Variants in VPS52 observed in about 807,000 individuals in gnomAD.
VPS52 encodes the protein vacuolar protein sorting-associated protein 52 homolog.
VPS52 carries 56 observed loss-of-function variants against 98.7 expected under a neutral mutation model. The observed-to-expected ratio is 0.57, with a 90% CI of 0.46 to 0.71. VPS52 has a LOEUF of 0.71. Ranked by LOEUF, VPS52 falls within the 30% of genes least tolerant of loss-of-function variation. VPS52 has a pLI of 0.00. For missense variants in VPS52, 742 were observed against 925.9 expected (o/e 0.80, Z 2.58); for synonymous variants, 348 against 346.4 (o/e 1.00, Z -0.05).
intron 17 of VPS52, among the ~76,000 whole-genome samples, chr6:33,258,500 G>T (rs1271435386): frequency 2.1e-5 from 3 of 140,028 alleles, no homozygotes; most frequent in African/African-American, 5.2e-5. Flanking sequence ...CATACTAAAA[G>T]ATAATCTGTA....
At chr6:33,271,460 G>C in intron 1 of VPS52, 126 bp downstream of exon 1, 6 of 1,369,552 alleles carry the variant, frequency 4.4e-6, no homozygotes, top group Non-Finnish European at 6.1e-6. Context: ...GGAAGGGTAC[G>C]GGGAGCCAAA....
Position 33,263,762 on chromosome 6 carries a change from C to G in VPS52, c.1728+10G>C, listed in dbSNP as rs200423674. On this transcript the variant is annotated intron_variant, in intron 16 of 19. Coordinates refer to ENST00000445902, the MANE Select transcript of VPS52 (RefSeq NM_022553.6). ...TGGGTAGGAAGGCAAGGAGAAGGAG[C>G]ACCTATTACCATCAGCACACCCAGC... 26 of 1,614,114 alleles carry G rather than the reference C, an allele frequency of 1.6e-5. No homozygotes were observed. Among genetic ancestry groups the G allele is most frequent in the African/African-American group, 1.6e-4 (12 of 75,036 alleles).
chr6:33,251,856 A>G lies in VPS52; in HGVS notation c.1906+4T>C. ...ATCCCATCATTACCATATTTTCCTCATACCTTCTTCCCCTCGAAGTCGCTC... is the reference window on the plus strand; with the variant it reads ...ATCCCATCATTACCATATTTTCCTCGTACCTTCTTCCCCTCGAAGTCGCTC... On this transcript the variant is annotated splice_donor_region_variant and intron_variant, in intron 18 of 19. Coordinates refer to ENST00000445902, the MANE Select transcript of VPS52 (RefSeq NM_022553.6). The G allele has an allele frequency of 6.2e-7, 1 of 1,613,516 alleles. No homozygotes were observed. The highest frequency in any genetic ancestry group is 8.5e-7 in the Non-Finnish European group (1 of 1,179,984).
At position 33,271,811 on chromosome 6, in the gene VPS52, TC is replaced by T; in HGVS notation, c.-137del. The T allele has an allele frequency of 6.9e-7, 1 of 1,447,738 alleles. No individual in the cohort carries two copies. Among genetic ancestry groups the T allele is most frequent in the South Asian group, 1.4e-5 (1 of 69,194 alleles). The allele number at this position is 1,447,738 out of a possible 1,614,324, so 89.7% of individuals were successfully genotyped here. A position where few individuals can be genotyped will look rare whatever the true frequency, so the allele number is the denominator to read the frequency against. On this transcript the variant is annotated 5_prime_UTR_variant, in exon 1 of 20. Transcript: ENST00000445902. ...GAGTTAAGTTGTTTGACTCCAGCTG[TC>T]CCCTTTCAGCTCTAACCACTTCACC...
At chr6:33,260,007 C>G (rs1426939555) in intron 17 of VPS52, among the ~76,000 whole-genome samples, 2 of 152,116 alleles carry the variant, frequency 1.3e-5, no homozygotes, top group African/African-American at 4.8e-5. Flanking sequence ...TGCTAAAAGA[C>G]ATGATTATTC....
chr6:33,266,816 G>C, intron 11 of VPS52, 104 bp from the exon 12 acceptor site: 5 of 1,419,490 alleles, frequency 3.5e-6, no homozygotes, highest in Non-Finnish European at 4.7e-6. Context: ...ATAAGAGCTA[G>C]GCAGACCCTT....
chr6:33,264,202 T>C lies in VPS52; in HGVS notation c.1525-99A>G, dbSNP rs141469953. 4.8e-4 allele frequency: 738 copies of C among 1,544,206 alleles called. 3 individuals are homozygous for C. In the African/African-American group the frequency reaches 9.4e-3, roughly 20 times the overall value. On this transcript the variant is annotated intron_variant, in intron 14 of 19. Coordinates refer to ENST00000445902, the MANE Select transcript of VPS52 (RefSeq NM_022553.6). ...AACCCACCTCCATGTGATGTGACTC[T>C]ACCTTCAGTCCCTCCTACCCACAGT...
Position 33,263,803 on chromosome 6 carries a change from T to C in VPS52, c.1697A>G (p.Asn566Ser). 6.2e-7 allele frequency: 1 copy of C among 1,614,202 alleles called. No homozygotes were observed. Among genetic ancestry groups the C allele is most frequent in the Non-Finnish European group, 8.5e-7 (1 of 1,180,044 alleles). Reference sequence around the variant, plus strand: ...CACACCCAGCATCATGTCATAGTTGTTGATCAGAAACACAAGCTGCTCCTT... The same window carrying C: ...CACACCCAGCATCATGTCATAGTTGCTGATCAGAAACACAAGCTGCTCCTT... ...SRKEQLVFLINNYDMMLGVLM... is the reference protein window; with the variant it reads ...SRKEQLVFLISNYDMMLGVLM... Residue 566 changes from asparagine to serine, a missense_variant, in exon 16 of 20, where the codon AAC becomes AGC. Coordinates refer to ENST00000445902, the MANE Select transcript of VPS52 (RefSeq NM_022553.6).
chr6:33,263,409 A>ACT lies in VPS52; in HGVS notation c.1794+74_1794+75insAG, dbSNP rs1434571061. On this transcript the variant is annotated intron_variant, in intron 17 of 19. Transcript: ENST00000445902. ...TACACACACACACACACACACACAC[A>ACT]CACACAGAGAGAGAGAGAGAGAGAG... The ACT allele has an allele frequency of 2.4e-3, 3,359 of 1,413,416 alleles. 9 individuals are homozygous for ACT. The highest frequency in any genetic ancestry group is 6.4e-3 in the Middle Eastern group (28 of 4,376). 87.6% of individuals were successfully genotyped at this position (1,413,416 alleles called of 1,614,324 possible). A position where few individuals can be genotyped will look rare whatever the true frequency, so the allele number is the denominator to read the frequency against.
chr6:33,257,797 C>T lies in VPS52; in HGVS notation c.1794+5687G>A, dbSNP rs566092036. ...CTGATGCGGGAGGATCACTTGAGGC[C>T]AGGAGTTTGAGACCAGCCTGGGCAA... On this transcript the variant is annotated intron_variant, in intron 17 of 19. Coordinates refer to ENST00000445902, the MANE Select transcript of VPS52 (RefSeq NM_022553.6). Among the ~76,000 whole-genome samples, 19 of 152,194 alleles carry T rather than the reference C, an allele frequency of 1.2e-4. No individual in the cohort carries two copies. The South Asian group carries it at 3.7e-3, about 30-fold the overall frequency.
In VPS52 at chr6:33,266,665, G is replaced by A. The variant is rs141154095; in HGVS notation, c.1173C>T (p.Asp391=). ...TGAAAAGGTATTCGCGGCAGGAATT[G>A]TCTAGGAGGGCGTAGTGCTGGCTGC... ...LFRSQHYALL[D]NSCREYLFIC... The change falls in exon 12 of 20, where the codon GAC becomes GAT. Residue 391 remains aspartate, a synonymous_variant. Coordinates refer to ENST00000445902, the MANE Select transcript of VPS52 (RefSeq NM_022553.6). 4,221 of 1,612,922 alleles carry A rather than the reference G, an allele frequency of 2.6e-3. 16 individuals are homozygous for A. The highest frequency in any genetic ancestry group is 3.3e-3 in the Non-Finnish European group (3,867 of 1,179,948).
intron 19 of VPS52, among the ~76,000 whole-genome samples, chr6:33,251,291 G>A (rs755018891): frequency 6.6e-6 from 1 of 151,734 alleles, no homozygotes; most frequent in Non-Finnish European, 1.5e-5. Context: ...GCAGTGAGCC[G>A]AGACTGTGCC....
chr6:33,253,121 G>C (rs912461183), intron 17 of VPS52, among the ~76,000 whole-genome samples: 1 of 152,038 alleles, frequency 6.6e-6, no homozygotes, highest in South Asian at 2.1e-4. Flanking sequence ...TTGCAGAGGA[G>C]ATGGAAGGGA....
At position 33,268,759 on chromosome 6, in the gene VPS52, A is replaced by G. The variant is rs1581621059; in HGVS notation, c.549-110T>C. ...GCCCCTGTCATCTCTACCACCTTGCATTGTACCATATAGTCAGGACACATG... is the reference window on the plus strand; with the variant it reads ...GCCCCTGTCATCTCTACCACCTTGCGTTGTACCATATAGTCAGGACACATG... On this transcript the variant is annotated intron_variant, in intron 6 of 19. Transcript: ENST00000445902. This position sits in a 1 kb window ranked among gnomAD's most constrained non-coding sequence, Gnocchi z 4.0. The G allele has an allele frequency of 7.5e-7, 1 of 1,332,760 alleles. No homozygotes were observed. The highest frequency in any genetic ancestry group is 1.0e-6 in the Non-Finnish European group (1 of 997,412). 82.6% of individuals were successfully genotyped at this position (1,332,760 alleles called of 1,614,324 possible).
chr6:33,269,816 C>T lies in VPS52; in HGVS notation c.232G>A (p.Val78Ile), dbSNP rs1232789350. The T allele has an allele frequency of 1.2e-6, 2 of 1,613,560 alleles. No homozygotes were observed. The highest frequency in any genetic ancestry group is 1.1e-5 in the South Asian group (1 of 91,074). Residue 78 changes from valine to isoleucine, a missense_variant, in exon 4 of 20, where the codon GTA (valine) becomes ATA (isoleucine). By Grantham distance (29) the Val-to-Ile change is conservative. This residue lies in a region of VPS52 where 152 missense variants were observed against 132.6 expected (regional missense o/e 1.15). Transcript: ENST00000445902. Reference sequence around the variant, plus strand: ...TGCTTTGAATAGTGACGGAGATCTACACCCTGGGAGAACATAAAGATGACA... The same window carrying T: ...TGCTTTGAATAGTGACGGAGATCTATACCCTGGGAGAACATAAAGATGACA... ...ELVKEALKTGVDLRHYSKQVE... is the reference protein window; with the variant it reads ...ELVKEALKTGIDLRHYSKQVE...
chr6:33,261,119 A>G (rs780868324), intron 17 of VPS52, among the ~76,000 whole-genome samples: 1 of 152,122 alleles, frequency 6.6e-6, no homozygotes, highest in African/African-American at 2.4e-5. Context: ...TAGCTGGCAC[A>G]CACCTACAGT....
intron 17 of VPS52, among the ~76,000 whole-genome samples, chr6:33,252,807 G>T (rs1304353768): frequency 6.6e-6 from 1 of 151,982 alleles, no homozygotes; most frequent in East Asian, 1.9e-4. Context: ...GATAGTAGGA[G>T]ATACAGAAAT....
intron 17 of VPS52, among the ~76,000 whole-genome samples, chr6:33,253,909 T>G (rs928069203): frequency 6.6e-5 from 10 of 152,274 alleles, no homozygotes; most frequent in African/African-American, 2.2e-4. Flanking sequence ...GTCCGTGAAC[T>G]GCTATACACC....
intron 1 of VPS52, chr6:33,271,142 T>C: frequency 4.1e-6 from 2 of 490,126 alleles, no homozygotes; most frequent in South Asian, 2.6e-5. Flanking sequence ...TTTACCTGCA[T>C]GCCAGGTGCA....
Sources: allele counts gnomAD v4.1 joint callset (sites outside exome capture counted in the v4.1 genomes callset), GRCh38; gene constraint gnomAD v4.1.1; regional missense constraint gnomAD v4.1.1; non-coding constraint Gnocchi (gnomAD v3.1); transcripts MANE v1.5; gene names NCBI Gene and HGNC (gene_info 2026-07-23, HGNC 2026-07-21).